Variants in USH2A observed in about 807,000 individuals in gnomAD.
USH2A encodes the protein Usher syndrome 2A (autosomal recessive, mild).
Under a neutral mutation model 538.9 loss-of-function variants are expected in USH2A, and 443 were observed. The ratio of observed to expected loss-of-function variants is 0.82; its 90% CI spans 0.76 to 0.89. The LOEUF (loss-of-function observed/expected upper bound fraction) is 0.89, where lower values mean the gene tolerates loss of function less well. Ranked by LOEUF, USH2A falls within the 40% of genes least tolerant of loss-of-function variation. USH2A has a pLI of 0.00. For missense variants in USH2A, 6,633 were observed against 6,324.8 expected (o/e 1.05, Z -1.65); for synonymous variants, 2,413 against 2,273.5 (o/e 1.06, Z -1.75).
chr1:216,356,827 C>T (rs2038399340), intron 4 of USH2A, among the ~76,000 whole-genome samples: 1 of 151,996 alleles, frequency 6.6e-6, no homozygotes, highest in African/African-American at 2.4e-5. Flanking sequence ...GAGATAGTGT[C>T]CTGGAAGTAG....
intron 3 of USH2A, among the ~76,000 whole-genome samples, chr1:216,384,121 C>T (rs1475863294): frequency 1.3e-5 from 2 of 151,526 alleles, no homozygotes; most frequent in Non-Finnish European, 2.9e-5. Context: ...TCTGCCTATG[C>T]TTTCTTTCTT....
rs188168186 is a variant in USH2A, at chr1:215,714,231, C to T, written c.12066+13799G>A. Among the ~76,000 whole-genome samples the T allele has an allele frequency of 1.8e-4, 28 of 152,006 alleles. 1 individual carries two copies. The highest frequency in any genetic ancestry group is 1.8e-3 in the Admixed American group (28 of 15,264). ...ATATGATTACAGGTTAGCAAGAAAC[C>T]AGAAATAAAAGCTAAATATTAAAGA... is the stretch of plus-strand genomic sequence containing the variant. On this transcript the variant is annotated intron_variant, in intron 61 of 71. Coordinates refer to ENST00000307340, the MANE Select transcript of USH2A (RefSeq NM_206933.4).
chr1:215,731,274 T>C (rs1023223030), intron 60 of USH2A, among the ~76,000 whole-genome samples: 1 of 152,222 alleles, frequency 6.6e-6, no homozygotes, highest in Non-Finnish European at 1.5e-5. Context: ...GTATTTCTTA[T>C]CGCTATTGAA....
intron 3 of USH2A, among the ~76,000 whole-genome samples, chr1:216,385,815 T>C (rs768614085): frequency 2.0e-5 from 3 of 152,196 alleles, no homozygotes; most frequent in Non-Finnish European, 4.4e-5. Context: ...GACCAGTCAC[T>C]GTTTGCCATC....
intron 64 of USH2A, among the ~76,000 whole-genome samples, chr1:215,660,611 T>C (rs2102652577): frequency 6.6e-6 from 1 of 152,324 alleles, no homozygotes; most frequent in Admixed American, 6.5e-5. Context: ...TGCTCTACAA[T>C]GAAATTTGTT....
intron 47 of USH2A, among the ~76,000 whole-genome samples, chr1:215,825,581 A>C (rs753078698): frequency 2.6e-5 from 4 of 152,154 alleles, no homozygotes; most frequent in Non-Finnish European, 4.4e-5. Flanking sequence ...AGAAATCTTC[A>C]TACACTCTAA....
chr1:216,195,189 G>A (rs2034811164), intron 19 of USH2A, among the ~76,000 whole-genome samples: 1 of 152,030 alleles, frequency 6.6e-6, no homozygotes, highest in Admixed American at 6.6e-5. Flanking sequence ...AGGTTAGAAG[G>A]GCCCAACAGA....
At chr1:215,734,494 C>T (rs1660098342) in intron 60 of USH2A, among the ~76,000 whole-genome samples, 1 of 152,132 alleles carries the variant, frequency 6.6e-6, no homozygotes, top group Non-Finnish European at 1.5e-5. Context: ...AGTGGTCACT[C>T]CACAGTCTGC....
At chr1:215,635,923 G>A (rs1341630425) in intron 69 of USH2A, among the ~76,000 whole-genome samples, 3 of 151,540 alleles carry the variant, frequency 2.0e-5, no homozygotes, top group Non-Finnish European at 4.4e-5. Flanking sequence ...GATAGGCGAA[G>A]GCAGTGAAAT....
intron 38 of USH2A, among the ~76,000 whole-genome samples, chr1:215,918,625 C>T (rs1666020718): frequency 6.6e-6 from 1 of 152,044 alleles, no homozygotes; most frequent in Non-Finnish European, 1.5e-5. Flanking sequence ...CATCCCTTAC[C>T]TCAACATGCC....
chr1:215,735,331 G>A (rs1284491518), intron 60 of USH2A, among the ~76,000 whole-genome samples: 3 of 151,968 alleles, frequency 2.0e-5, no homozygotes, highest in Non-Finnish European at 4.4e-5. Context: ...CTCTTTTTAT[G>A]CTTTTAGTTA....
At chr1:215,925,579 C>T (rs75860100) in intron 38 of USH2A, among the ~76,000 whole-genome samples, 2,143 of 152,208 alleles carry the variant, frequency 0.014, 43 homozygotes, top group African/African-American at 0.049. Context: ...TATTCCTCAC[C>T]ATCCTGTATC....
intron 13 of USH2A, among the ~76,000 whole-genome samples, chr1:216,234,903 G>A (rs892868736): frequency 6.6e-6 from 1 of 152,036 alleles, no homozygotes; most frequent in South Asian, 2.1e-4. Flanking sequence ...AAAGCACCTA[G>A]GGAGACTGAA....
rs558237806 is a variant in USH2A, at chr1:215,794,076, C to T, written c.9959-3794G>A. On this transcript the variant is annotated intron_variant, in intron 50 of 71. Transcript: ENST00000307340. ...AGAATACATATCCACTGAAATGACA[C>T]GCATGACTTTCATCCCGAGATACCT... Among the ~76,000 whole-genome samples, 26 of 152,220 alleles carry T rather than the reference C, an allele frequency of 1.7e-4. No individual in the cohort carries two copies. The South Asian group carries it at 1.9e-3, about 11-fold the overall frequency.
chr1:215,971,238 C>A (rs1571856817), intron 35 of USH2A, among the ~76,000 whole-genome samples: 1 of 152,120 alleles, frequency 6.6e-6, no homozygotes, highest in South Asian at 2.1e-4. Context: ...TTCTTTTTAA[C>A]CCTCTCTTCA....
At chr1:216,041,658 G>A (rs1046665625) in intron 32 of USH2A, among the ~76,000 whole-genome samples, 3 of 151,948 alleles carry the variant, frequency 2.0e-5, no homozygotes, top group Admixed American at 2.0e-4. Context: ...AAACAGTGTG[G>A]GTGATTGTAA....
At chr1:216,322,444 A>C (rs2037634328) in intron 8 of USH2A, among the ~76,000 whole-genome samples, 1 of 151,730 alleles carries the variant, frequency 6.6e-6, no homozygotes, top group Admixed American at 6.6e-5. Context: ...CTCTACAAAA[A>C]GTGAAAAAAA....
intron 38 of USH2A, among the ~76,000 whole-genome samples, chr1:215,917,153 T>A (rs534620170): frequency 4.6e-5 from 7 of 152,256 alleles, no homozygotes; most frequent in African/African-American, 7.2e-5. Context: ...TTTTTTGTTA[T>A]GTCTCAAACC....
At chr1:215,916,434 TG>T (rs1470489381) in intron 38 of USH2A, among the ~76,000 whole-genome samples, 22 of 152,144 alleles carry the variant, frequency 1.4e-4, no homozygotes, top group African/African-American at 5.3e-4. Context: ...AACCTGAAGG[TG>T]GTACAACATT....
Sources: allele counts gnomAD v4.1 joint callset (sites outside exome capture counted in the v4.1 genomes callset), GRCh38; gene constraint gnomAD v4.1.1; transcripts MANE v1.5; gene names NCBI Gene and HGNC (gene_info 2026-07-23, HGNC 2026-07-21).